Variants in ANKRD30BL observed in about 807,000 individuals in gnomAD.
ANKRD30BL encodes ankyrin repeat domain 30B like.
A neutral mutation model predicts 18.4 loss-of-function variants in ANKRD30BL; 20 were observed. That is an observed-to-expected ratio of 1.09 (90% CI 0.77 to 1.58). The LOEUF (loss-of-function observed/expected upper bound fraction) is 1.58, where lower values mean the gene tolerates loss of function less well. Ranked by LOEUF, ANKRD30BL falls within the 40% of genes most tolerant of loss-of-function variation. ANKRD30BL has a pLI of 0.00. For missense variants in ANKRD30BL, 224 were observed against 268.6 expected, an observed-to-expected ratio of 0.83 and a Z score of 1.16; for synonymous variants, 72 against 100.9, an observed-to-expected ratio of 0.71 and a Z score of 1.72.
chr2:132,198,268 TTTTCTTTCTTTCTTTC>T lies in ANKRD30BL; in HGVS notation n.442-41138_442-41123del, dbSNP rs1372612115. Among the ~76,000 whole-genome samples, 41 of 109,800 alleles carry T rather than the reference TTTTCTTTCTTTCTTTC, an allele frequency of 3.7e-4. 5 individuals carry two copies. The highest frequency in any genetic ancestry group is 5.3e-4 in the Non-Finnish European group (32 of 59,928). 72.0% of individuals were successfully genotyped at this position (109,800 alleles called of 152,430 possible). On this transcript the variant is annotated intron_variant and non_coding_transcript_variant, in intron 1 of 4. Coordinates refer to the ANKRD30BL transcript ENST00000470729. The stretch of plus-strand genomic sequence containing the variant: ...TAATTTACTATACCTTCTTTCTTTC[TTTTCTTTCTTTCTTTC>T]TTTCTTTCTTTCTTTCTTTCTTTCT...
At chr2:132,191,987 A>G (rs1678862316) in intron 1 of ANKRD30BL, among the ~76,000 whole-genome samples, 1 of 151,694 alleles carries the variant, frequency 6.6e-6, no homozygotes, top group Non-Finnish European at 1.5e-5. Flanking sequence ...CTTGTGATTC[A>G]CCCACCTTGG....
chr2:132,202,060 C>T (rs547252436), intron 1 of ANKRD30BL, among the ~76,000 whole-genome samples: 25 of 152,170 alleles, frequency 1.6e-4, no homozygotes, highest in Admixed American at 7.2e-4. Flanking sequence ...CCAAACACCG[C>T]ATATTCTCAC....
At chr2:132,179,978 G>T (rs1688434595) in intron 1 of ANKRD30BL, among the ~76,000 whole-genome samples, 1 of 151,882 alleles carries the variant, frequency 6.6e-6, no homozygotes, top group Admixed American at 6.6e-5. Context: ...GAGCCAAAAG[G>T]TCAAAAAAAG....
intron 1 of ANKRD30BL, among the ~76,000 whole-genome samples, chr2:132,198,386 C>T (rs1436756543): frequency 1.5e-5 from 2 of 137,314 alleles, no homozygotes; most frequent in African/African-American, 5.5e-5. Context: ...TGAAGTGGAG[C>T]GATCTCGGCT....
chr2:132,221,119 C>T (rs1452142825), intron 1 of ANKRD30BL, among the ~76,000 whole-genome samples: 4 of 147,434 alleles, frequency 2.7e-5, no homozygotes, highest in East Asian at 2.0e-4. Flanking sequence ...GGAGCCCCTC[C>T]GTCCAGCAGC....
At chr2:132,226,159 C>T (rs575923538) in intron 1 of ANKRD30BL, among the ~76,000 whole-genome samples, 56 of 151,914 alleles carry the variant, frequency 3.7e-4, no homozygotes, top group Non-Finnish European at 7.5e-4. Flanking sequence ...GCTTAGAGGC[C>T]TTCGTTGGAA....
chr2:132,190,758 T>C (rs1006301710), intron 1 of ANKRD30BL, among the ~76,000 whole-genome samples: 24 of 152,172 alleles, frequency 1.6e-4, no homozygotes, highest in African/African-American at 5.8e-4. Context: ...TTTAGATCTT[T>C]TATGCAGCGA....
intron 1 of ANKRD30BL, among the ~76,000 whole-genome samples, chr2:132,220,704 C>T (rs1454016414): frequency 3.3e-5 from 5 of 152,192 alleles, no homozygotes; most frequent in South Asian, 4.1e-4. Context: ...GGCGTGATCT[C>T]GGCTCGCTAC....
At chr2:132,202,772 G>A (rs1312669629) in intron 1 of ANKRD30BL, among the ~76,000 whole-genome samples, 1 of 152,118 alleles carries the variant, frequency 6.6e-6, no homozygotes, top group Non-Finnish European at 1.5e-5. Context: ...GAATGACAAT[G>A]GAATATCAGT....
At chr2:132,250,503 C>T (rs1680622246) in intron 1 of ANKRD30BL, among the ~76,000 whole-genome samples, 1 of 152,194 alleles carries the variant, frequency 6.6e-6, no homozygotes, top group African/African-American at 2.4e-5. Flanking sequence ...AGGAATTCAA[C>T]AGAAGTCCAT....
At chr2:132,198,425 A>G (rs28672274) in intron 1 of ANKRD30BL, among the ~76,000 whole-genome samples, 4,039 of 145,916 alleles carry the variant, frequency 0.028, 199 homozygotes, top group African/African-American at 0.096. Context: ...CCGGGTTCAC[A>G]CCATTCTCCT....
At chr2:132,174,008 T>C (rs1223942357) in intron 1 of ANKRD30BL, among the ~76,000 whole-genome samples, 2 of 152,238 alleles carry the variant, frequency 1.3e-5, no homozygotes, top group Admixed American at 1.3e-4. Context: ...CAATTTCTTA[T>C]AGACAGAGAA....
chr2:132,158,714 G>A (rs1162646267), intron 1 of ANKRD30BL, among the ~76,000 whole-genome samples: 2 of 149,746 alleles, frequency 1.3e-5, no homozygotes, highest in Non-Finnish European at 3.0e-5. Context: ...TATAAATAAA[G>A]CACTTATATT....
In ANKRD30BL at chr2:132,226,358, T is replaced by G. The variant is rs550097069; in HGVS notation, n.441+31171A>C. 3.5e-4 allele frequency among the ~76,000 whole-genome samples: 53 copies of G among 150,558 alleles called. No individual in the cohort carries two copies. The East Asian group carries it at 6.4e-3, about 18-fold the overall frequency. On this transcript the variant is annotated intron_variant and non_coding_transcript_variant, in intron 1 of 4. Transcript: ENST00000470729. ...TGGTGGAAAAGGAAATATCTTCACA[T>G]AAAAACTAGACAGAGGAATTCTGAG...
chr2:132,187,995 C>T (rs1220972704), intron 1 of ANKRD30BL, among the ~76,000 whole-genome samples: 1 of 152,154 alleles, frequency 6.6e-6, no homozygotes, highest in African/African-American at 2.4e-5. Context: ...GATTGGCCTG[C>T]CTTGGCCTCC....
intron 1 of ANKRD30BL, among the ~76,000 whole-genome samples, chr2:132,213,184 T>G (rs1679401275): frequency 6.6e-6 from 1 of 151,858 alleles, no homozygotes; most frequent in Non-Finnish European, 1.5e-5. Flanking sequence ...TCTGAGAAAC[T>G]TCTTTGTGAT....
chr2:132,212,814 T>A (rs1488141360), intron 1 of ANKRD30BL, among the ~76,000 whole-genome samples: 3 of 151,918 alleles, frequency 2.0e-5, no homozygotes, highest in African/African-American at 7.2e-5. Flanking sequence ...TGTCCTCACA[T>A]AAAAACTAGA....
intron 1 of ANKRD30BL, among the ~76,000 whole-genome samples, chr2:132,255,222 G>A (rs552066859): frequency 6.6e-6 from 1 of 152,148 alleles, no homozygotes; most frequent in African/African-American, 2.4e-5. Flanking sequence ...TTTCGCTCTG[G>A]TCTAAACTGC....
intron 1 of ANKRD30BL, among the ~76,000 whole-genome samples, chr2:132,195,985 C>CA (rs1175398620): frequency 6.7e-6 from 1 of 150,190 alleles, no homozygotes; most frequent in East Asian, 2.0e-4. Context: ...ACTAAAAATA[C>CA]AAAAAAATTA....
Sources: allele counts gnomAD v4.1 joint callset (sites outside exome capture counted in the v4.1 genomes callset), GRCh38; gene constraint gnomAD v4.1.1; transcripts MANE v1.5; gene names NCBI Gene and HGNC (gene_info 2026-07-23, HGNC 2026-07-21).